PCSK6: variants seen among roughly 807,000 people sequenced by gnomAD.
The protein encoded by PCSK6 is proprotein convertase subtilisin/kexin type 6, also known as paired basic amino acid cleaving enzyme 4.
Under a neutral mutation model 123.3 loss-of-function variants are expected in PCSK6, and 85 were observed. That is an observed-to-expected ratio of 0.69 (90% CI 0.58 to 0.83). PCSK6 has a LOEUF of 0.83. Among genes scored for constraint, PCSK6 ranks in the 40% least tolerant of loss-of-function variants. The pLI is 0.00. For missense variants in PCSK6, 1,191 were observed against 1,282.3 expected, an observed-to-expected ratio of 0.93 and a Z score of 1.09; for synonymous variants, 508 against 516.0, an observed-to-expected ratio of 0.98 and a Z score of 0.21.
intron 1 of PCSK6, among the ~76,000 whole-genome samples, chr15:101,471,635 CTTTT>C (rs1421203767): frequency 6.6e-6 from 1 of 152,148 alleles, no homozygotes; most frequent in East Asian, 1.9e-4. Context: ...AGATTTATTT[CTTTT>C]GAGATAAAAT....
At chr15:101,325,542 C>A (rs1220706872) in intron 16 of PCSK6, among the ~76,000 whole-genome samples, 2 of 152,194 alleles carry the variant, frequency 1.3e-5, no homozygotes, top group African/African-American at 4.8e-5. Context: ...GGGTGTGCAC[C>A]AGTGGTTGGT....
chr15:101,459,492 CCCG>C lies in PCSK6; in HGVS notation c.298-15835_298-15833del, dbSNP rs1414077204. Among the ~76,000 whole-genome samples the C allele has an allele frequency of 5.4e-4, 79 of 147,298 alleles. 1 individual carries two copies. The highest frequency in any genetic ancestry group is 2.0e-3 in the African/African-American group (77 of 39,226). On this transcript the variant is annotated intron_variant, in intron 1 of 21. Coordinates refer to ENST00000611716, the MANE Select transcript of PCSK6 (RefSeq NM_002570.5). Reference sequence around the variant, plus strand: ...GTCCCCCCACCCTAAGTCCACACCACCCGCTGCCACCGTTCCCGTCCCCCCACC... The same window carrying C: ...GTCCCCCCACCCTAAGTCCACACCACCTGCCACCGTTCCCGTCCCCCCACC...
intron 11 of PCSK6, 30 bp downstream of exon 11, chr15:101,382,062 G>C (rs532007301): frequency 6.7e-7 from 1 of 1,493,554 alleles, no homozygotes; most frequent in Non-Finnish European, 9.2e-7. Context: ...ACGTGCCTGA[G>C]AAGTCACCGA....
chr15:101,466,876 A>G (rs945111532), intron 1 of PCSK6, among the ~76,000 whole-genome samples: 1 of 152,034 alleles, frequency 6.6e-6, no homozygotes, highest in African/African-American at 2.4e-5. Context: ...GACTGCTAAG[A>G]CGGGGATAGC....
intron 6 of PCSK6, among the ~76,000 whole-genome samples, chr15:101,403,677 GA>G: frequency 6.6e-6 from 1 of 152,158 alleles, no homozygotes; most frequent in East Asian, 1.9e-4. Context: ...AGAGGAAAAT[GA>G]TCAGAATTTT....
At chr15:101,446,039 C>A (rs2056880857) in intron 1 of PCSK6, among the ~76,000 whole-genome samples, 1 of 152,252 alleles carries the variant, frequency 6.6e-6, no homozygotes, top group Non-Finnish European at 1.5e-5. Context: ...ACGAACGATC[C>A]AGGAAAGGCA....
intron 13 of PCSK6, among the ~76,000 whole-genome samples, chr15:101,344,931 T>C (rs954114994): frequency 1.3e-5 from 2 of 152,194 alleles, no homozygotes; most frequent in Non-Finnish European, 2.9e-5. Flanking sequence ...CATTTTTAAA[T>C]ACATTTTTTA....
chr15:101,477,558 A>G (rs2057764171), intron 1 of PCSK6, among the ~76,000 whole-genome samples: 1 of 152,248 alleles, frequency 6.6e-6, no homozygotes, highest in Non-Finnish European at 1.5e-5. Context: ...CAAAGTGTCA[A>G]CAGTGATTAT....
chr15:101,430,152 A>G, intron 4 of PCSK6, 89 bp from the exon 5 acceptor site: 1 of 963,388 alleles, frequency 1.0e-6, no homozygotes, highest in African/African-American at 1.6e-5. Flanking sequence ...CAAATAGAGA[A>G]ACCACACGCG....
At chr15:101,323,084 T>C (rs1871978) in intron 17 of PCSK6, among the ~76,000 whole-genome samples, 116,995 of 152,132 alleles carry the variant, frequency 0.77, 45,145 homozygotes, top group African/African-American at 0.82. Context: ...TGGGGAAGTT[T>C]TGGGTCACCC....
chr15:101,489,581 C>CGCGCCCCCCGCGCCCGCG lies in PCSK6; in HGVS notation c.72_89dup (p.Ala25_Ala30dup), dbSNP rs2058123257. 1.0e-6 allele frequency: 1 copy of CGCGCCCCCCGCGCCCGCG among 973,896 alleles called. No homozygotes were observed. Among genetic ancestry groups the CGCGCCCCCCGCGCCCGCG allele is most frequent in the Admixed American group, 6.4e-5 (1 of 15,610 alleles). 60.3% of individuals were successfully genotyped at this position (973,896 alleles called of 1,614,324 possible). ...GCCCGCCGGCGCCCCCCGCGCCCCC[C>CGCGCCCCCCGCGCCCGCG]GCGCCCCCCGCGCCCGCGGCGGTGT... On this transcript the variant is annotated inframe_insertion, in exon 1 of 22. Coordinates refer to ENST00000611716, the MANE Select transcript of PCSK6 (RefSeq NM_002570.5).
intron 15 of PCSK6, among the ~76,000 whole-genome samples, chr15:101,327,400 G>A (rs997441162): frequency 6.6e-6 from 1 of 152,150 alleles, no homozygotes; most frequent in Non-Finnish European, 1.5e-5. Flanking sequence ...CACGCTGGTC[G>A]GCAGGAGTGA....
At chr15:101,454,760 C>T (rs2057131011) in intron 1 of PCSK6, among the ~76,000 whole-genome samples, 1 of 152,050 alleles carries the variant, frequency 6.6e-6, no homozygotes, top group African/African-American at 2.4e-5. Context: ...GCCTGGCCAA[C>T]AGCGTGAAAC....
At chr15:101,370,870 C>T (rs1343407025) in intron 11 of PCSK6, among the ~76,000 whole-genome samples, 2 of 152,204 alleles carry the variant, frequency 1.3e-5, no homozygotes, top group African/African-American at 2.4e-5. Flanking sequence ...GGCTGCTGGG[C>T]AGTGCTGTGG....
intron 20 of PCSK6, chr15:101,308,937 C>G (rs1266779312): frequency 2.0e-5 from 3 of 152,356 alleles, no homozygotes; most frequent in Non-Finnish European, 2.9e-5. Flanking sequence ...TGCCCCCAGG[C>G]CACGGCTGAG....
intron 13 of PCSK6, among the ~76,000 whole-genome samples, chr15:101,346,188 C>T (rs140930387): frequency 1.6e-3 from 243 of 152,268 alleles, no homozygotes; most frequent in African/African-American, 5.5e-3. Context: ...TTATTTATCC[C>T]AGTAATTTTA....
At chr15:101,412,232 A>C (rs1310773869) in intron 6 of PCSK6, among the ~76,000 whole-genome samples, 1 of 152,244 alleles carries the variant, frequency 6.6e-6, no homozygotes, top group East Asian at 1.9e-4. Flanking sequence ...GTATAGCCTC[A>C]TAACATAATG....
At chr15:101,447,763 G>A (rs1006424441) in intron 1 of PCSK6, among the ~76,000 whole-genome samples, 22 of 152,224 alleles carry the variant, frequency 1.4e-4, no homozygotes, top group South Asian at 1.2e-3. Flanking sequence ...CTGTGGCCTC[G>A]GACGGTGTCC....
chr15:101,318,579 C>T (rs1391712229), intron 18 of PCSK6, among the ~76,000 whole-genome samples, 157 bp from the exon 19 acceptor site: 2 of 152,266 alleles, frequency 1.3e-5, no homozygotes, highest in Non-Finnish European at 2.9e-5. Flanking sequence ...AAAGCCATCC[C>T]GCAGTCCGCT....
Sources: allele counts gnomAD v4.1 joint callset (sites outside exome capture counted in the v4.1 genomes callset), GRCh38; gene constraint gnomAD v4.1.1; transcripts MANE v1.5; gene names NCBI Gene and HGNC (gene_info 2026-07-23, HGNC 2026-07-21).